The following MYO3B variants were observed in gnomAD, a reference collection of about 807,000 sequenced individuals.
MYO3B encodes myosin IIIB, also known as myosin-IIIb.
A neutral mutation model predicts 174.6 loss-of-function variants in MYO3B; 156 were observed. The ratio of observed to expected loss-of-function variants is 0.89; its 90% CI spans 0.78 to 1.02. The LOEUF (loss-of-function observed/expected upper bound fraction) is 1.02. Ranked by LOEUF, MYO3B falls within the 50% of genes least tolerant of loss-of-function variation. The pLI, the probability that MYO3B is intolerant of heterozygous loss-of-function variation, is 0.00. For synonymous variants in MYO3B, 563 were observed against 569.1 expected (o/e 0.99, Z 0.15); for missense variants, 1,632 against 1,639.4 (o/e 1.00, Z 0.08).
intron 29 of MYO3B, 27 bp downstream of exon 29, chr2:170,515,049 G>T: frequency 2.5e-6 from 4 of 1,585,486 alleles, no homozygotes; most frequent in Non-Finnish European, 3.5e-6. Flanking sequence ...TTTAGAATGA[G>T]TGTTCTAAAT....
chr2:170,610,656 T>C (rs1695078661), intron 32 of MYO3B, among the ~76,000 whole-genome samples: 1 of 152,238 alleles, frequency 6.6e-6, no homozygotes. Flanking sequence ...GTATCTGTGC[T>C]AATTATCTTA....
At chr2:170,552,115 G>A (rs368723644) in intron 32 of MYO3B, among the ~76,000 whole-genome samples, 83 of 152,110 alleles carry the variant, frequency 5.5e-4, no homozygotes, top group Non-Finnish European at 9.3e-4. Context: ...CATGAGAATG[G>A]ACTAATACAG....
At chr2:170,336,637 A>C (rs564221879) in intron 8 of MYO3B, among the ~76,000 whole-genome samples, 1 of 152,276 alleles carries the variant, frequency 6.6e-6, no homozygotes, top group South Asian at 2.1e-4. Context: ...GTGAATATTC[A>C]TGTGTTTGGC....
chr2:170,452,114 C>G (rs1391455268), intron 23 of MYO3B, among the ~76,000 whole-genome samples: 1 of 152,020 alleles, frequency 6.6e-6, no homozygotes, highest in Non-Finnish European at 1.5e-5. Flanking sequence ...CCCTCCATAA[C>G]AGCCAATATC....
Position 170,391,141 on chromosome 2 carries a change from G to T in MYO3B, c.1578-379G>T, listed in dbSNP as rs763864831. 5.3e-5 allele frequency among the ~76,000 whole-genome samples: 8 copies of T among 152,128 alleles called. No homozygotes were observed. In the South Asian group the frequency reaches 1.3e-3, roughly 24 times the overall value. On this transcript the variant is annotated intron_variant, in intron 14 of 34. Coordinates refer to ENST00000408978, the MANE Select transcript of MYO3B (RefSeq NM_138995.5). The stretch of plus-strand genomic sequence containing the variant: ...ACTTGCAGGCCACTTCCTGTCTAGG[G>T]CTCCAGTAAAGTAGAGGATTTGGCT...
intron 32 of MYO3B, among the ~76,000 whole-genome samples, chr2:170,562,131 T>C (rs1173504594): frequency 6.6e-6 from 1 of 152,124 alleles, no homozygotes; most frequent in East Asian, 1.9e-4. Flanking sequence ...AACATGAAGA[T>C]TGGGATAATA....
At chr2:170,601,762 T>C (rs370172589) in intron 32 of MYO3B, 1 of 1,406,408 alleles carries the variant, frequency 7.1e-7, no homozygotes, top group East Asian at 2.3e-5. Context: ...TGTATCCTTT[T>C]TGTATTTTTC....
At chr2:170,583,832 G>A (rs557877566) in intron 32 of MYO3B, among the ~76,000 whole-genome samples, 1 of 152,086 alleles carries the variant, frequency 6.6e-6, no homozygotes. Context: ...TGTGACTTCA[G>A]ACTCAGTCTC....
intron 30 of MYO3B, among the ~76,000 whole-genome samples, chr2:170,534,594 C>T (rs1689566215): frequency 1.3e-5 from 2 of 152,084 alleles, no homozygotes; most frequent in African/African-American, 4.8e-5. Context: ...TACAGATGTG[C>T]GCCACCACGC....
At chr2:170,471,999 A>C (rs544384753) in intron 25 of MYO3B, among the ~76,000 whole-genome samples, 2 of 152,032 alleles carry the variant, frequency 1.3e-5, no homozygotes, top group Non-Finnish European at 2.9e-5. Context: ...CTAAAAAAAA[A>C]AAAAAAAACT....
rs754766991 is a variant in MYO3B at position 170,369,295 on chromosome 2, C to T, written c.889C>T (p.His297Tyr). ...LLDHPFIKGV[H>Y]GKVLFLQKQL... is the part of the protein sequence containing the mutation. ...TGACCACCCATTTATTAAAGGAGTA[C>T]ATGGAAAAGTTCTGTTTCTGCAAAA... Residue 297 changes from histidine (H) to tyrosine (Y), a missense_variant, in exon 9 of 35, where the codon CAT becomes TAT. By Grantham distance (83) the His-to-Tyr change is moderately conservative. Transcript: ENST00000408978. The T allele has an allele frequency of 3.7e-6, 6 of 1,613,780 alleles. No individual in the cohort carries two copies. The highest frequency in any genetic ancestry group is 3.3e-4 in the Middle Eastern group (2 of 6,060).
chr2:170,433,012 C>T (rs1025679209), intron 22 of MYO3B, among the ~76,000 whole-genome samples: 1 of 152,144 alleles, frequency 6.6e-6, no homozygotes, highest in African/African-American at 2.4e-5. Flanking sequence ...ATTCACACAT[C>T]ACTCACTCAC....
At chr2:170,647,185 A>C (rs573278926) in intron 32 of MYO3B, among the ~76,000 whole-genome samples, 2 of 152,188 alleles carry the variant, frequency 1.3e-5, no homozygotes, top group Non-Finnish European at 1.5e-5. Context: ...TATTGAGAAG[A>C]GTAAAGGATT....
chr2:170,481,748 T>C (rs1233442036), intron 25 of MYO3B, among the ~76,000 whole-genome samples: 1 of 151,972 alleles, frequency 6.6e-6, no homozygotes, highest in Non-Finnish European at 1.5e-5. Context: ...GGGGCAGGAG[T>C]GGCATGGTGG....
At chr2:170,624,046 G>A (rs2105346381) in intron 32 of MYO3B, among the ~76,000 whole-genome samples, 1 of 152,300 alleles carries the variant, frequency 6.6e-6, no homozygotes, top group East Asian at 1.9e-4. Flanking sequence ...AGATTGACTT[G>A]GCAATGTGGG....
intron 9 of MYO3B, among the ~76,000 whole-genome samples, chr2:170,370,110 T>TA (rs1050027854): frequency 1.3e-5 from 2 of 152,032 alleles, no homozygotes; most frequent in African/African-American, 2.4e-5. Flanking sequence ...AATTTCTCTT[T>TA]AAAAAAAATT....
At chr2:170,466,750 T>C in intron 25 of MYO3B, 39 bp downstream of exon 25, 1 of 1,598,578 alleles carries the variant, frequency 6.3e-7, no homozygotes, top group East Asian at 2.2e-5. Context: ...CTTATAAATG[T>C]AGCTCTACTC....
At chr2:170,621,958 C>G (rs532196062) in intron 32 of MYO3B, among the ~76,000 whole-genome samples, 1 of 152,278 alleles carries the variant, frequency 6.6e-6, no homozygotes, top group Non-Finnish European at 1.5e-5. Context: ...CTGATCTTAC[C>G]CTTGTATTTG....
chr2:170,195,015 T>A (rs2092582856), intron 1 of MYO3B, among the ~76,000 whole-genome samples: 1 of 152,018 alleles, frequency 6.6e-6, no homozygotes, highest in African/African-American at 2.4e-5. Context: ...GCTTGCTTTA[T>A]CCTAGCCGCT....
Sources: gnomAD v4.1 joint callset for allele counts (sites outside exome capture counted in the v4.1 genomes callset) on GRCh38, gnomAD v4.1.1 for gene constraint, MANE v1.5 for transcripts, NCBI Gene and HGNC (gene_info 2026-07-23, HGNC 2026-07-21) for gene names.